The following CACNG7 variants were observed in gnomAD, a reference collection of about 807,000 sequenced individuals.
The protein encoded by CACNG7 is calcium voltage-gated channel auxiliary subunit gamma 7, also known as voltage-dependent calcium channel gamma-7 subunit.
A neutral mutation model predicts 26.3 loss-of-function variants in CACNG7; 9 were observed. That is an observed-to-expected ratio of 0.34 (90% CI 0.21 to 0.60). The LOEUF is 0.60. Among genes scored for constraint, CACNG7 ranks in the 20% least tolerant of loss-of-function variants. The probability of loss-of-function intolerance (pLI) is 0.81; values close to 1 mark genes in which losing one functional copy is unlikely to be tolerated. For synonymous variants in CACNG7, 170 were observed against 157.0 expected (o/e 1.08, Z -0.62); for missense variants, 297 against 380.4 (o/e 0.78, Z 1.82).
chr19:53,918,795 T>G (rs574255667), intron 4 of CACNG7, among the ~76,000 whole-genome samples: 3 of 152,278 alleles, frequency 2.0e-5, no homozygotes, highest in South Asian at 4.1e-4. Context: ...TGAGATGGAG[T>G]TTCGCTCTCG....
intron 4 of CACNG7, among the ~76,000 whole-genome samples, chr19:53,936,174 C>G (rs1275736681): frequency 6.6e-6 from 1 of 151,632 alleles, no homozygotes; most frequent in Non-Finnish European, 1.5e-5. Flanking sequence ...TGTAGAGTGT[C>G]CCACTGTCCT....
intron 4 of CACNG7, among the ~76,000 whole-genome samples, chr19:53,919,915 G>A (rs2068927482): frequency 7.5e-6 from 1 of 134,018 alleles, no homozygotes; most frequent in Non-Finnish European, 1.6e-5. Context: ...CTGGTCATTG[G>A]TGGAGTTGTC....
rs1011580688 is a variant in CACNG7, at chr19:53,939,824, C to G, written c.425-1646C>G. Among the ~76,000 whole-genome samples the G allele has an allele frequency of 9.9e-5, 15 of 152,138 alleles. No individual in the cohort carries two copies. The highest frequency in any genetic ancestry group is 3.6e-4 in the African/African-American group (15 of 41,424). ...GGAATTGCTGGGTCATATGATAATT[C>G]TATCTTTAACTTTTTGAGGCGCTGC... On this transcript the variant is annotated intron_variant, in intron 4 of 5. Transcript: ENST00000391767. This position sits in a 1 kb window ranked among gnomAD's most constrained non-coding sequence, Gnocchi z 4.2.
rs948607082 is a variant in CACNG7, at chr19:53,943,296, C to G, written c.*1003C>G. 1.3e-5 allele frequency: 2 copies of G among 152,132 alleles called. No individual in the cohort carries two copies. The highest frequency in any genetic ancestry group is 4.8e-5 in the African/African-American group (2 of 41,400). The allele number at this position is 152,132 out of a possible 1,614,324, so 9.4% of individuals were successfully genotyped here. ...CCTCTAAGTCTTCCATTTTCTGGCT[C>G]TCCTCCTCATTGACGTCCCTCTTCC... is the stretch of plus-strand genomic sequence containing the variant. On this transcript the variant is annotated 3_prime_UTR_variant, in exon 6 of 6. Transcript: ENST00000391767.
chr19:53,923,830 T>G (rs1382858121), intron 4 of CACNG7, among the ~76,000 whole-genome samples: 1 of 122,462 alleles, frequency 8.2e-6, no homozygotes, highest in Non-Finnish European at 1.6e-5. Context: ...CCAGGTCTGG[T>G]CATTGGTGGA....
At chr19:53,917,619 C>T (rs2145900149) in intron 4 of CACNG7, among the ~76,000 whole-genome samples, 1 of 152,258 alleles carries the variant, frequency 6.6e-6, no homozygotes, top group Non-Finnish European at 1.5e-5. Context: ...AGCCCAGACA[C>T]TGAGCTAAAA....
At chr19:53,915,970 T>C (rs2068894930) in intron 4 of CACNG7, among the ~76,000 whole-genome samples, 1 of 152,214 alleles carries the variant, frequency 6.6e-6, no homozygotes, top group Admixed American at 6.5e-5. Context: ...TGCAATATTT[T>C]GTTTTAAATT....
chr19:53,912,328 A>G lies in CACNG7; in HGVS notation c.-29-475A>G, dbSNP rs1380777853. ...TTTCTGAGTCACTGATCCACACTCA[A>G]GGTTAGGGACTCTGGTGGCATCTGA... On this transcript the variant is annotated intron_variant, in intron 1 of 5. Coordinates refer to ENST00000391767, the MANE Select transcript of CACNG7 (RefSeq NM_031896.5). This position sits in a 1 kb window ranked among gnomAD's most constrained non-coding sequence, Gnocchi z 4.6. Among the ~76,000 whole-genome samples, 1 of 152,140 alleles carries G rather than the reference A, an allele frequency of 6.6e-6. No individual in the cohort carries two copies. Among genetic ancestry groups the G allele is most frequent in the African/African-American group, 2.4e-5 (1 of 41,428 alleles).
chr19:53,909,418 G>T lies in CACNG7; in HGVS notation c.-129G>T. 6.7e-6 allele frequency: 1 copy of T among 149,062 alleles called. No homozygotes were observed. Among genetic ancestry groups the T allele is most frequent in the South Asian group, 1.8e-4 (1 of 5,580 alleles). The allele number at this position is 149,062 out of a possible 1,614,324, so 9.2% of individuals were successfully genotyped here. On this transcript the variant is annotated 5_prime_UTR_variant, in exon 1 of 6. Coordinates refer to ENST00000391767, the MANE Select transcript of CACNG7 (RefSeq NM_031896.5). This position sits in a 1 kb window ranked among gnomAD's most constrained non-coding sequence, Gnocchi z 5.1. ...GGCGGGGGCGGGGGGCGCGGGCACC[G>T]GCGACCCCGGTGGCGGCGGCGGCGG...
rs111503095 is a variant in CACNG7, at chr19:53,913,320, TA to T, written c.196+306del. On this transcript the variant is annotated intron_variant, in intron 2 of 5. Coordinates refer to ENST00000391767, the MANE Select transcript of CACNG7 (RefSeq NM_031896.5). ...AATTTCAGTGCTGAATGGGCAAGATTAAAAAAAAAAAAATGCATGGGACGGG... is the reference window on the plus strand; with the variant it reads ...AATTTCAGTGCTGAATGGGCAAGATTAAAAAAAAAAAATGCATGGGACGGG... Among the ~76,000 whole-genome samples the T allele has an allele frequency of 7.8e-3, 1,108 of 142,936 alleles. 4 individuals carry two copies. Among genetic ancestry groups the T allele is most frequent in the East Asian group, 0.028 (140 of 4,952 alleles). The allele number at this position is 142,936 out of a possible 152,430, so 93.8% of individuals were successfully genotyped here.
chr19:53,938,469 G>C (rs983878043), intron 4 of CACNG7, among the ~76,000 whole-genome samples: 1 of 152,126 alleles, frequency 6.6e-6, no homozygotes, highest in Non-Finnish European at 1.5e-5. Context: ...GGTCAGCGAA[G>C]TTTTCTGTAA....
chr19:53,921,688 G>GT (rs1396200961), intron 4 of CACNG7, among the ~76,000 whole-genome samples: 45 of 101,440 alleles, frequency 4.4e-4, no homozygotes, highest in African/African-American at 1.7e-3. Flanking sequence ...TGGTGGACTT[G>GT]CCCCAGGTCT....
At chr19:53,933,519 C>T (rs1442406150) in intron 4 of CACNG7, among the ~76,000 whole-genome samples, 2 of 151,834 alleles carry the variant, frequency 1.3e-5, no homozygotes, top group Non-Finnish European at 2.9e-5. Context: ...ACAGGCTGGT[C>T]TCAAACTCCT....
rs574936847 is a variant in CACNG7, at chr19:53,940,238, G to A, written c.425-1232G>A. On this transcript the variant is annotated intron_variant, in intron 4 of 5. Transcript: ENST00000391767. The surrounding 1 kb of genome is among the most constrained non-coding windows in gnomAD (Gnocchi z 4.1). ...TGGACCTCTCCTCTGCACACTGTCC[G>A]TATGCTCTATTTCCTCAATTGTAAA... Among the ~76,000 whole-genome samples, 21 of 152,198 alleles carry A rather than the reference G, an allele frequency of 1.4e-4. No homozygotes were observed. Among genetic ancestry groups the A allele is most frequent in the African/African-American group, 2.6e-4 (11 of 41,524 alleles).
rs116109491 is a variant in CACNG7 at position 53,926,932 on chromosome 19, G to A, written c.424+11427G>A. On this transcript the variant is annotated intron_variant, in intron 4 of 5. Transcript: ENST00000391767. ...TGTCTCAGAAAAAAGAAGAGTGAGGGGGATGCTGAGACCTTTTCTTTCCTT... is the reference window on the plus strand; with the variant it reads ...TGTCTCAGAAAAAAGAAGAGTGAGGAGGATGCTGAGACCTTTTCTTTCCTT... 2.7e-3 allele frequency among the ~76,000 whole-genome samples: 414 copies of A among 152,118 alleles called. 2 individuals carry two copies. Among genetic ancestry groups the A allele is most frequent in the African/African-American group, 9.4e-3 (390 of 41,544 alleles).
chr19:53,941,037 A>G (rs2069134169), intron 4 of CACNG7, among the ~76,000 whole-genome samples: 1 of 148,430 alleles, frequency 6.7e-6, no homozygotes, highest in Admixed American at 6.8e-5. Context: ...ACTCCAGCCC[A>G]GGCCACAGAG....
intron 4 of CACNG7, among the ~76,000 whole-genome samples, chr19:53,922,290 T>C (rs1287818652): frequency 1.1e-5 from 1 of 89,758 alleles, no homozygotes; most frequent in African/African-American, 5.3e-5. Context: ...TTGCCCCAGG[T>C]CTGGTATTGG....
At chr19:53,924,032 G>C (rs74220404) in intron 4 of CACNG7, among the ~76,000 whole-genome samples, 17 of 138,660 alleles carry the variant, frequency 1.2e-4, no homozygotes, top group Admixed American at 1.4e-4. Flanking sequence ...CATTGGTGGA[G>C]TTGCCCCAGG....
chr19:53,914,953 GA>G (rs919292254), intron 3 of CACNG7, among the ~76,000 whole-genome samples: 1 of 149,148 alleles, frequency 6.7e-6, no homozygotes, highest in African/African-American at 2.5e-5. Context: ...AGTGAGCCAA[GA>G]TTTCACCACT....
Sources: gnomAD v4.1 joint callset for allele counts (sites outside exome capture counted in the v4.1 genomes callset) on GRCh38, gnomAD v4.1.1 for gene constraint, Gnocchi (gnomAD v3.1) non-coding constraint, MANE v1.5 for transcripts, NCBI Gene and HGNC (gene_info 2026-07-23, HGNC 2026-07-21) for gene names.